Variants in GTF2E1 observed in about 807,000 individuals in gnomAD.
GTF2E1 encodes TFIIE alpha subunit.
GTF2E1 carries 14 observed loss-of-function variants against 34.9 expected under a neutral mutation model. The observed-to-expected ratio is 0.40, with a 90% CI of 0.27 to 0.63. The LOEUF (loss-of-function observed/expected upper bound fraction) is 0.63, where lower values mean the gene tolerates loss of function less well. GTF2E1 is among the 20% of genes least tolerant of loss of function. The pLI, the probability that GTF2E1 is intolerant of heterozygous loss-of-function variation, is 0.39. For synonymous variants in GTF2E1, 188 were observed against 192.9 expected (o/e 0.97, Z 0.21); for missense variants, 469 against 557.7 (o/e 0.84, Z 1.60).
chr3:120,776,231 T>G (rs1397421745), intron 3 of GTF2E1, among the ~76,000 whole-genome samples, 192 bp from the exon 4 acceptor site: 2 of 152,160 alleles, frequency 1.3e-5, no homozygotes, highest in African/African-American at 4.8e-5. Context: ...ATATGATGTG[T>G]TTTTCTAACG....
Position 120,781,118 on chromosome 3 carries a change from G to A in GTF2E1, c.968G>A (p.Arg323Gln), listed in dbSNP as rs1402461702. 32 of 1,613,968 alleles carry A rather than the reference G, an allele frequency of 2.0e-5. No homozygotes were observed. Among genetic ancestry groups the A allele is most frequent in the Non-Finnish European group, 2.6e-5 (31 of 1,179,978 alleles). Residue 323 changes from arginine (R) to glutamine (Q), a missense_variant, in exon 5 of 5, where the codon CGA becomes CAA. Coordinates refer to ENST00000283875, the MANE Select transcript of GTF2E1 (RefSeq NM_005513.3). ...AGPDDNEEVM[R>Q]ALLIHEKKTS... ...CCTGATGACAACGAAGAGGTCATGC[G>A]AGCACTGCTCATTCACGAGAAAAAG... is the stretch of plus-strand genomic sequence containing the variant.
intron 4 of GTF2E1, among the ~76,000 whole-genome samples, chr3:120,780,285 G>C (rs1709435788): frequency 6.6e-6 from 1 of 152,170 alleles, no homozygotes; most frequent in Admixed American, 6.5e-5. Flanking sequence ...TATTCATTAT[G>C]TTAGGAAATA....
chr3:120,754,457 A>T (rs1488498630), intron 2 of GTF2E1, among the ~76,000 whole-genome samples: 1 of 151,814 alleles, frequency 6.6e-6, no homozygotes, highest in Non-Finnish European at 1.5e-5. Flanking sequence ...AATAGGTGTA[A>T]TTTTTTCCCA....
intron 4 of GTF2E1, among the ~76,000 whole-genome samples, chr3:120,779,145 A>G (rs1390423201): frequency 6.6e-6 from 1 of 152,180 alleles, no homozygotes; most frequent in Non-Finnish European, 1.5e-5. Flanking sequence ...TCTGTAACAG[A>G]ATAATTCTTT....
At chr3:120,744,228 T>G (rs766937044) in intron 1 of GTF2E1, among the ~76,000 whole-genome samples, 20 of 152,196 alleles carry the variant, frequency 1.3e-4, no homozygotes, top group Non-Finnish European at 2.1e-4. Flanking sequence ...GAAACATTCT[T>G]TGGGTGATAC....
intron 2 of GTF2E1, among the ~76,000 whole-genome samples, chr3:120,756,741 C>T (rs1576357664): frequency 6.6e-6 from 1 of 152,038 alleles, no homozygotes; most frequent in African/African-American, 2.4e-5. Flanking sequence ...GCCTGGCCAA[C>T]ATAGCAAAAC....
At chr3:120,776,344 C>T in intron 3 of GTF2E1, 79 bp from the exon 4 acceptor site, 2 of 1,274,098 alleles carry the variant, frequency 1.6e-6, no homozygotes, top group Non-Finnish European at 2.2e-6. Flanking sequence ...TCAGTAATTG[C>T]CTCCCTAGCT....
intron 2 of GTF2E1, among the ~76,000 whole-genome samples, chr3:120,757,727 T>C (rs1453681323): frequency 6.6e-6 from 1 of 152,216 alleles, no homozygotes; most frequent in Non-Finnish European, 1.5e-5. Context: ...TTATGAGTTA[T>C]AAAAATTGCA....
chr3:120,770,608 A>T, intron 2 of GTF2E1, 120 bp from the exon 3 acceptor site: 1 of 720,256 alleles, frequency 1.4e-6, no homozygotes, highest in African/African-American at 1.8e-5. Context: ...TTCACTGTGA[A>T]ATTCTTTCAA....
In GTF2E1 at chr3:120,770,913, C is replaced by T. The variant is rs2107611716; in HGVS notation, c.634C>T (p.Pro212Ser). The T allele has an allele frequency of 6.2e-7, 1 of 1,613,356 alleles. No homozygotes were observed. The highest frequency in any genetic ancestry group is 1.3e-5 in the African/African-American group (1 of 74,962). The part of the protein sequence containing the change: ...EILEPEPTEI[P>S]ALKQSKDHAA... ...ACTTGAGCCAGAACCCACAGAAATC[C>T]CAGCCCTGAAACAGAGGTGAGTGTA... is the stretch of plus-strand genomic sequence containing the variant. The change falls in exon 3 of 5, where the codon CCA becomes TCA. Residue 212 changes from proline (P) to serine (S), a missense_variant. Physicochemically the swap from Pro to Ser is moderately conservative, Grantham distance 74. Coordinates refer to ENST00000283875, the MANE Select transcript of GTF2E1 (RefSeq NM_005513.3).
chr3:120,747,743 A>C lies in GTF2E1; in HGVS notation c.-30-2780A>C, dbSNP rs570984557. The stretch of plus-strand genomic sequence containing the variant: ...GTGTCTCTATAACAGCATGATTTAT[A>C]GTCCTTTGGGTATATACCCAGTAAT... On this transcript the variant is annotated intron_variant, in intron 1 of 4. Coordinates refer to ENST00000283875, the MANE Select transcript of GTF2E1 (RefSeq NM_005513.3). 6.4e-4 allele frequency among the ~76,000 whole-genome samples: 97 copies of C among 152,334 alleles called. 1 individual carries two copies. Among genetic ancestry groups the C allele is most frequent in the African/African-American group, 2.3e-3 (96 of 41,576 alleles).
intron 2 of GTF2E1, among the ~76,000 whole-genome samples, chr3:120,758,020 T>A (rs1429976923): frequency 6.6e-6 from 1 of 151,918 alleles, no homozygotes; most frequent in Non-Finnish European, 1.5e-5. Context: ...AAAAGCCAGG[T>A]GTGGTGGCGC....
At position 120,781,505 on chromosome 3, in the gene GTF2E1, C is replaced by T. The variant is rs372289349; in HGVS notation, c.*35C>T. ...AATTCTTTCTCCTTTCTCTAATGCTCAGTTCAAAAAGGAATGTCTCATCTT... is the reference window on the plus strand; with the variant it reads ...AATTCTTTCTCCTTTCTCTAATGCTTAGTTCAAAAAGGAATGTCTCATCTT... On this transcript the variant is annotated 3_prime_UTR_variant, in exon 5 of 5. Coordinates refer to ENST00000283875, the MANE Select transcript of GTF2E1 (RefSeq NM_005513.3). The T allele has an allele frequency of 1.5e-4, 223 of 1,529,006 alleles. 1 individual carries two copies. The highest frequency in any genetic ancestry group is 6.3e-4 in the East Asian group (28 of 44,126). The allele number at this position is 1,529,006 out of a possible 1,614,324, so 94.7% of individuals were successfully genotyped here.
chr3:120,748,965 A>G (rs1031587893), intron 1 of GTF2E1, among the ~76,000 whole-genome samples: 8 of 152,300 alleles, frequency 5.3e-5, no homozygotes, highest in Admixed American at 3.3e-4. Context: ...GAGGTCCTTC[A>G]CATCCCTTGT....
At chr3:120,746,151 T>A (rs1300948477) in intron 1 of GTF2E1, among the ~76,000 whole-genome samples, 1 of 152,196 alleles carries the variant, frequency 6.6e-6, no homozygotes, top group African/African-American at 2.4e-5. Flanking sequence ...AAAATATTTC[T>A]TATAAAAAGA....
chr3:120,768,036 G>A (rs1372618437), intron 2 of GTF2E1, among the ~76,000 whole-genome samples: 1 of 152,108 alleles, frequency 6.6e-6, no homozygotes, highest in Non-Finnish European at 1.5e-5. Flanking sequence ...GAAGTTTGGA[G>A]TACATATTGT....
chr3:120,748,005 G>A (rs535702152), intron 1 of GTF2E1, among the ~76,000 whole-genome samples: 9 of 151,732 alleles, frequency 5.9e-5, no homozygotes, highest in Admixed American at 3.9e-4. Flanking sequence ...GGCCAGTGAT[G>A]GTGAGCATTT....
chr3:120,748,070 G>A (rs370662783), intron 1 of GTF2E1, among the ~76,000 whole-genome samples: 3 of 151,818 alleles, frequency 2.0e-5, no homozygotes, highest in Admixed American at 2.0e-4. Context: ...GTCTGTTCAT[G>A]TCCTTCGCCC....
chr3:120,750,967 T>C lies in GTF2E1; in HGVS notation c.415T>C (p.Leu139=), dbSNP rs764994181. Residue 139 remains leucine, a synonymous_variant, in exon 2 of 5, where the codon TTA becomes CTA. Coordinates refer to ENST00000283875, the MANE Select transcript of GTF2E1 (RefSeq NM_005513.3). ...CPVCSSTFTD[L]EANQLFDPMT... Reference sequence around the variant, plus strand: ...TGTCTGTAGTAGTACTTTCACAGACTTAGAAGCTAATCAGCTCTTTGATCC... The same window carrying C: ...TGTCTGTAGTAGTACTTTCACAGACCTAGAAGCTAATCAGCTCTTTGATCC... 14 of 1,613,182 alleles carry C rather than the reference T, an allele frequency of 8.7e-6. No individual in the cohort carries two copies. The highest frequency in any genetic ancestry group is 1.2e-5 in the Non-Finnish European group (14 of 1,179,342).
Sources: allele counts gnomAD v4.1 joint callset (sites outside exome capture counted in the v4.1 genomes callset), GRCh38; gene constraint gnomAD v4.1.1; transcripts MANE v1.5; gene names NCBI Gene and HGNC (gene_info 2026-07-23, HGNC 2026-07-21).